PCDH15: variants seen among roughly 807,000 people sequenced by gnomAD.
The protein encoded by PCDH15 is protocadherin-15.
PCDH15 carries 129 observed loss-of-function variants against 178.5 expected under a neutral mutation model. The observed-to-expected ratio is 0.72, with a 90% CI of 0.63 to 0.84. PCDH15 has a LOEUF of 0.84. Ranked by LOEUF, PCDH15 falls within the 40% of genes least tolerant of loss-of-function variation. PCDH15 has a pLI of 0.00. For missense variants in PCDH15, 2,230 were observed against 2,099.9 expected (o/e 1.06, Z -1.21); for synonymous variants, 800 against 732.0 (o/e 1.09, Z -1.50).
intron 2 of PCDH15, among the ~76,000 whole-genome samples, chr10:55,619,375 T>C (rs1843543178): frequency 6.6e-6 from 1 of 152,014 alleles, no homozygotes; most frequent in Non-Finnish European, 1.5e-5. Flanking sequence ...GTAACTTTAG[T>C]AACGTCAAAC....
chr10:55,549,391 C>G (rs1841959353), intron 2 of PCDH15, among the ~76,000 whole-genome samples: 1 of 152,028 alleles, frequency 6.6e-6, no homozygotes, highest in Non-Finnish European at 1.5e-5. Flanking sequence ...TTCAGTACAA[C>G]AAAATTAAAA....
chr10:55,303,079 T>C (rs1843326745), intron 1 of PCDH15, among the ~76,000 whole-genome samples: 1 of 112,562 alleles, frequency 8.9e-6, no homozygotes, highest in Non-Finnish European at 1.8e-5. Context: ...AAAACAAAGA[T>C]ATTTGAGATA....
intron 37 of PCDH15, among the ~76,000 whole-genome samples, chr10:53,809,971 T>C (rs939827512): frequency 6.6e-6 from 1 of 152,208 alleles, no homozygotes; most frequent in African/African-American, 2.4e-5. Flanking sequence ...ATGAGAAATC[T>C]ATTTTATGAA....
At position 55,288,870 on chromosome 10, in the gene PCDH15, G is replaced by GATAT. The variant is rs143549237; in HGVS notation, c.-156+30725_-156+30728dup. On this transcript the variant is annotated intron_variant, in intron 1 of 5. Transcript: ENST00000458638. ...CCAGCTTATGACTTCAATTCTATTA[G>GATAT]ATATATATATATATATATCTAGAAC... Among the ~76,000 whole-genome samples, 533 of 146,252 alleles carry GATAT rather than the reference G, an allele frequency of 3.6e-3. 1 individual carries two copies. The highest frequency in any genetic ancestry group is 5.0e-3 in the Non-Finnish European group (332 of 66,396).
At chr10:55,367,778 G>C (rs1487488955) in intron 2 of PCDH15, among the ~76,000 whole-genome samples, 1 of 152,108 alleles carries the variant, frequency 6.6e-6, no homozygotes, top group Admixed American at 6.6e-5. Flanking sequence ...TTAGAGAAAA[G>C]TGGACAGTTT....
intron 2 of PCDH15, among the ~76,000 whole-genome samples, chr10:54,994,517 C>T (rs891454058): frequency 4.0e-5 from 6 of 151,840 alleles, no homozygotes; most frequent in Admixed American, 6.6e-5. Context: ...TTGTGATCTC[C>T]GTGAGTTCTG....
intron 18 of PCDH15, among the ~76,000 whole-genome samples, chr10:54,061,820 T>C (rs1400106485): frequency 4.4e-5 from 1 of 22,984 alleles, no homozygotes; most frequent in African/African-American, 2.9e-4. Context: ...AAATTGTTGA[T>C]TGGTAGGTTA....
intron 2 of PCDH15, among the ~76,000 whole-genome samples, chr10:55,392,781 T>G (rs182527699): frequency 1.3e-5 from 2 of 152,112 alleles, no homozygotes; most frequent in Non-Finnish European, 2.9e-5. Context: ...ATAGTAAAAT[T>G]TGTAGAAGGC....
chr10:54,862,687 T>C (rs917856633), intron 3 of PCDH15, among the ~76,000 whole-genome samples: 1 of 152,124 alleles, frequency 6.6e-6, no homozygotes, highest in African/African-American at 2.4e-5. Context: ...TAAAAGTAGG[T>C]CATTTAAAAC....
At chr10:54,303,679 C>A (rs1384235033) in intron 8 of PCDH15, among the ~76,000 whole-genome samples, 1 of 152,062 alleles carries the variant, frequency 6.6e-6, no homozygotes, top group Non-Finnish European at 1.5e-5. Flanking sequence ...AATTGCTTCT[C>A]AACACAGGAA....
intron 8 of PCDH15, among the ~76,000 whole-genome samples, chr10:54,286,799 T>A (rs902536496): frequency 4.6e-5 from 7 of 152,196 alleles, no homozygotes; most frequent in Admixed American, 6.5e-5. Context: ...CTAATTTTTG[T>A]ATTTTTTTAG....
chr10:53,988,106 C>A (rs1196389515), intron 21 of PCDH15, among the ~76,000 whole-genome samples: 1 of 152,182 alleles, frequency 6.6e-6, no homozygotes, highest in African/African-American at 2.4e-5. Flanking sequence ...ACCACATCAT[C>A]CCCGCGTCAG....
At chr10:55,146,751 A>G (rs748957029) in intron 2 of PCDH15, among the ~76,000 whole-genome samples, 5 of 151,958 alleles carry the variant, frequency 3.3e-5, no homozygotes, top group Non-Finnish European at 7.4e-5. Context: ...CAAAATTTAC[A>G]TTGTGTTTAT....
In PCDH15 at chr10:54,414,069, C is replaced by T. The variant is rs1043595199; in HGVS notation, c.158-35127G>A. 2.0e-5 allele frequency among the ~76,000 whole-genome samples: 3 copies of T among 152,040 alleles called. No individual in the cohort carries two copies. The South Asian group carries it at 6.2e-4, about 32-fold the overall frequency. On this transcript the variant is annotated intron_variant, in intron 3 of 37. Coordinates refer to ENST00000644397, the MANE Select transcript of PCDH15 (RefSeq NM_001384140.1). ...CATATGACAAAACAACACTTGTACCCCTTAAATTTACACAAATAAAACACT... is the reference window on the plus strand; with the variant it reads ...CATATGACAAAACAACACTTGTACCTCTTAAATTTACACAAATAAAACACT...
chr10:54,324,623 T>C (rs1418371), intron 7 of PCDH15, among the ~76,000 whole-genome samples: 107,051 of 151,750 alleles, frequency 0.71, 38,506 homozygotes, highest in Middle Eastern at 0.81. Flanking sequence ...AAAAATTAGC[T>C]GGGAGTGGTG....
At chr10:55,516,182 A>T (rs1230067977) in intron 2 of PCDH15, among the ~76,000 whole-genome samples, 1 of 152,012 alleles carries the variant, frequency 6.6e-6, no homozygotes, top group Non-Finnish European at 1.5e-5. Flanking sequence ...GAGATAATTG[A>T]ATTGTGGACG....
chr10:55,008,236 A>G (rs1839976084), intron 2 of PCDH15, among the ~76,000 whole-genome samples: 1 of 139,474 alleles, frequency 7.2e-6, no homozygotes, highest in Non-Finnish European at 1.6e-5. Context: ...CTGGAGCACC[A>G]TGTAGATAAA....
intron 2 of PCDH15, among the ~76,000 whole-genome samples, chr10:55,329,777 A>G (rs1439320790): frequency 6.6e-6 from 1 of 151,812 alleles, no homozygotes; most frequent in Non-Finnish European, 1.5e-5. Context: ...AACAGGAAAC[A>G]GATTACTTAT....
intron 1 of PCDH15, among the ~76,000 whole-genome samples, chr10:55,179,883 G>A (rs1004169138): frequency 1.4e-4 from 21 of 151,894 alleles, no homozygotes; most frequent in Non-Finnish European, 4.4e-5. Context: ...TGAACTACGG[G>A]AGTGAAAAAC....
Sources: allele counts gnomAD v4.1 joint callset (sites outside exome capture counted in the v4.1 genomes callset), GRCh38; gene constraint gnomAD v4.1.1; transcripts MANE v1.5; gene names NCBI Gene and HGNC (gene_info 2026-07-23, HGNC 2026-07-21).